The following CCNY variants were observed in gnomAD, a reference collection of about 807,000 sequenced individuals.
The protein encoded by CCNY is cyclin-Y.
Under a neutral mutation model 42.8 loss-of-function variants are expected in CCNY, and 19 were observed. The observed-to-expected ratio is 0.44, with a 90% CI of 0.31 to 0.65. The LOEUF (loss-of-function observed/expected upper bound fraction) is 0.65. CCNY is among the 30% of genes least tolerant of loss of function. CCNY has a pLI of 0.07. For synonymous variants in CCNY, 165 were observed against 162.7 expected, an observed-to-expected ratio of 1.01 and a Z score of -0.11; for missense variants, 370 against 437.3, an observed-to-expected ratio of 0.85 and a Z score of 1.37.
At chr10:35,313,317 T>C (rs1835711944) in intron 3 of CCNY, among the ~76,000 whole-genome samples, 1 of 152,148 alleles carries the variant, frequency 6.6e-6, no homozygotes, top group African/African-American at 2.4e-5. Context: ...TGCAGCAAAT[T>C]ATTTGATTGT....
chr10:35,401,777 G>A (rs1335209354), intron 1 of CCNY, among the ~76,000 whole-genome samples: 1 of 152,088 alleles, frequency 6.6e-6, no homozygotes, highest in East Asian at 1.9e-4. Context: ...TTGGGGGCAG[G>A]GGGTGGATCT....
intron 1 of CCNY, among the ~76,000 whole-genome samples, chr10:35,386,786 T>C (rs1801234590): frequency 6.6e-6 from 1 of 152,146 alleles, no homozygotes; most frequent in Admixed American, 6.5e-5. Flanking sequence ...CATTCTTAGA[T>C]ATGTCAAGAT....
At chr10:35,339,388 C>T (rs567108412) in intron 1 of CCNY, among the ~76,000 whole-genome samples, 34 of 152,132 alleles carry the variant, frequency 2.2e-4, no homozygotes, top group African/African-American at 7.5e-4. Context: ...TTATTAGAGG[C>T]TGAGAGAAGA....
At chr10:35,508,394 C>T (rs1377220580) in intron 3 of CCNY, among the ~76,000 whole-genome samples, 1 of 152,170 alleles carries the variant, frequency 6.6e-6, no homozygotes, top group Non-Finnish European at 1.5e-5. Context: ...GTGACATGCT[C>T]CATCCTTTCG....
chr10:35,440,022 AG>A (rs1003105417), intron 1 of CCNY, among the ~76,000 whole-genome samples: 3 of 152,132 alleles, frequency 2.0e-5, no homozygotes, highest in Admixed American at 6.5e-5. Context: ...TCTTGGACCT[AG>A]AGGTGTTGGG....
At chr10:35,338,431 T>C (rs1041930835) in intron 1 of CCNY, among the ~76,000 whole-genome samples, 2 of 152,212 alleles carry the variant, frequency 1.3e-5, no homozygotes, top group Non-Finnish European at 2.9e-5. Flanking sequence ...CCATATGACG[T>C]GTCTAGTGTT....
intron 3 of CCNY, among the ~76,000 whole-genome samples, chr10:35,313,454 G>A (rs192599814): frequency 1.3e-5 from 2 of 152,268 alleles, no homozygotes; most frequent in African/African-American, 2.4e-5. Context: ...TCACTTCCCC[G>A]AGTTTGCGTC....
At position 35,467,689 on chromosome 10, in the gene CCNY, TGTTGATA is replaced by T. The variant is rs1273880464; in HGVS notation, c.155-15712_155-15706del. Among the ~76,000 whole-genome samples the T allele has an allele frequency of 2.6e-5, 4 of 152,232 alleles. No homozygotes were observed. In the East Asian group the frequency reaches 7.7e-4, roughly 29 times the overall value. ...GCATTGACTAGGGCCCCCAATACAA[TGTTGATA>T]GTAGGTGGATCCCAGTTTCATTCCT... On this transcript the variant is annotated intron_variant, in intron 1 of 9. Transcript: ENST00000374704.
At chr10:35,264,669 T>C (rs2095723186) in intron 3 of CCNY, among the ~76,000 whole-genome samples, 1 of 152,192 alleles carries the variant, frequency 6.6e-6, no homozygotes, top group African/African-American at 2.4e-5. Flanking sequence ...TTTGTTTTGT[T>C]TTTGAGCCAG....
Position 35,416,105 on chromosome 10 carries a change from T to C in CCNY, c.155-67299T>C, listed in dbSNP as rs551503267. On this transcript the variant is annotated intron_variant, in intron 1 of 9. Transcript: ENST00000374704. ...CATTTTTGGCAGGTTATGACACTGG[T>C]ACCCGTGGGGTGCTGTTCAGTGCCA... Among the ~76,000 whole-genome samples, 3 of 152,044 alleles carry C rather than the reference T, an allele frequency of 2.0e-5. No individual in the cohort carries two copies. The East Asian group carries it at 5.8e-4, about 29-fold the overall frequency.
chr10:35,566,467 A>G (rs1841574650), intron 9 of CCNY, among the ~76,000 whole-genome samples: 1 of 152,112 alleles, frequency 6.6e-6, no homozygotes, highest in Admixed American at 6.6e-5. Flanking sequence ...TCAGCCTCTC[A>G]AGTAGCTGGG....
At chr10:35,453,101 G>A (rs1382288506) in intron 1 of CCNY, among the ~76,000 whole-genome samples, 4 of 152,150 alleles carry the variant, frequency 2.6e-5, no homozygotes, top group Non-Finnish European at 4.4e-5. Flanking sequence ...CAGCCACAGC[G>A]TCCAACTAAT....
chr10:35,431,376 C>A (rs1432968835), intron 1 of CCNY, among the ~76,000 whole-genome samples: 1 of 32,792 alleles, frequency 3.0e-5, no homozygotes. Flanking sequence ...CTCCCCCTCC[C>A]CCTTCCCCTC....
intron 2 of CCNY, among the ~76,000 whole-genome samples, chr10:35,248,884 A>C (rs1447570007): frequency 6.6e-6 from 1 of 152,186 alleles, no homozygotes; most frequent in African/African-American, 2.4e-5. Flanking sequence ...TTTCCTCAGC[A>C]ATGTTTGCTT....
chr10:35,508,066 T>TAG (rs1222705825), intron 3 of CCNY, among the ~76,000 whole-genome samples: 9 of 152,234 alleles, frequency 5.9e-5, no homozygotes, highest in African/African-American at 2.2e-4. Context: ...TAAAACCATG[T>TAG]AGATATCCTG....
At chr10:35,517,215 A>G (rs1169410903) in intron 4 of CCNY, among the ~76,000 whole-genome samples, 6 of 152,076 alleles carry the variant, frequency 3.9e-5, no homozygotes, top group African/African-American at 7.2e-5. Context: ...GGGAGGAAGG[A>G]AGGGGGAGTC....
At chr10:35,335,745 G>A (rs986611308), upstream of CCNY, among the ~76,000 whole-genome samples, 4 of 151,032 alleles carry the variant, frequency 2.6e-5, no homozygotes, top group African/African-American at 9.7e-5. Context: ...GCTTAGTGGC[G>A]GGCGCCCGTG....
intron 1 of CCNY, among the ~76,000 whole-genome samples, chr10:35,369,713 G>T (rs755291504): frequency 2.0e-5 from 3 of 152,140 alleles, no homozygotes; most frequent in Non-Finnish European, 2.9e-5. Context: ...CTGAGATTAA[G>T]CCTACTAATA....
Position 35,391,248 on chromosome 10 carries a change from T to C in CCNY, c.154+54041T>C, listed in dbSNP as rs1837407037. Among the ~76,000 whole-genome samples the C allele has an allele frequency of 2.0e-5, 3 of 152,228 alleles. No homozygotes were observed. In the South Asian group the frequency reaches 6.2e-4, roughly 31 times the overall value. ...CCCTACTGCTATGTTGTTCCCCTAT[T>C]GGCTAGGGTTGGACCGCACAGTTTA... On this transcript the variant is annotated intron_variant, in intron 1 of 9. Coordinates refer to ENST00000374704, the MANE Select transcript of CCNY (RefSeq NM_145012.6).
Sources: gnomAD v4.1 joint callset for allele counts (sites outside exome capture counted in the v4.1 genomes callset) on GRCh38, gnomAD v4.1.1 for gene constraint, MANE v1.5 for transcripts, NCBI Gene and HGNC (gene_info 2026-07-23, HGNC 2026-07-21) for gene names.